The following ANKRD26 variants were observed in gnomAD, a reference collection of about 807,000 sequenced individuals.
ANKRD26 encodes the protein ankyrin repeat domain-containing protein 26.
Under a neutral mutation model 208.7 loss-of-function variants are expected in ANKRD26, and 141 were observed. That is an observed-to-expected ratio of 0.68 (90% CI 0.59 to 0.78). The LOEUF (loss-of-function observed/expected upper bound fraction) is 0.78. Ranked by LOEUF, ANKRD26 falls within the 30% of genes least tolerant of loss-of-function variation. ANKRD26 has a pLI of 0.00. For missense variants in ANKRD26, 1,889 were observed against 1,938.7 expected, an observed-to-expected ratio of 0.97 and a Z score of 0.48; for synonymous variants, 636 against 660.4, an observed-to-expected ratio of 0.96 and a Z score of 0.57.
intron 24 of ANKRD26, among the ~76,000 whole-genome samples, chr10:27,033,931 C>T (rs1303492655): frequency 6.6e-6 from 1 of 152,190 alleles, no homozygotes; most frequent in African/African-American, 2.4e-5. Context: ...TTCTTGCTGC[C>T]TGTGCATCCT....
chr10:26,948,524 C>T, the ANKRD26 span, among the ~76,000 whole-genome samples: 1 of 152,100 alleles, frequency 6.6e-6, no homozygotes, highest in Non-Finnish European at 1.5e-5. Flanking sequence ...GATGCCAATC[C>T]CTCATTTGGT....
chr10:27,071,856 G>A (rs914566855), intron 9 of ANKRD26, among the ~76,000 whole-genome samples: 11 of 152,242 alleles, frequency 7.2e-5, no homozygotes, highest in African/African-American at 2.4e-4. Context: ...AGCAGTGGGG[G>A]CACACAAGAA....
chr10:27,079,278 G>C, intron 6 of ANKRD26, 117 bp from the exon 7 acceptor site: 1 of 777,206 alleles, frequency 1.3e-6, no homozygotes. Context: ...CCTGGTGAAA[G>C]GTCAACTGTC....
intron 5 of ANKRD26, among the ~76,000 whole-genome samples, chr10:26,977,900 G>A (rs1378825007): frequency 6.6e-6 from 1 of 152,038 alleles, no homozygotes; most frequent in East Asian, 1.9e-4. Flanking sequence ...AGATATTATG[G>A]CTACTTGAGA....
chr10:26,980,783 G>A (rs535187366), exon 5 of ANKRD26, among the ~76,000 whole-genome samples: 1 of 152,320 alleles, frequency 6.6e-6, no homozygotes, highest in South Asian at 2.1e-4. Context: ...CATGCAGGCA[G>A]AGGAAACAGA....
In ANKRD26 at chr10:26,976,743, C is replaced by A. The variant is rs2052233609; in HGVS notation, c.*282-701G>T. ...ACAAGCTCACTGCGTGTGCAAAGGA[C>A]TTTCTCGTGGCACAGCAGCCAGGAT... is the stretch of plus-strand genomic sequence containing the variant. On this transcript the variant is annotated intron_variant and NMD_transcript_variant, in intron 5 of 5. Coordinates refer to the ANKRD26 transcript ENST00000674670. 2.0e-5 allele frequency among the ~76,000 whole-genome samples: 3 copies of A among 152,118 alleles called. No individual in the cohort carries two copies. The South Asian group carries it at 6.2e-4, about 32-fold the overall frequency.
intron 16 of ANKRD26, chr10:27,051,801 T>C (rs2054671108): frequency 1.0e-6 from 1 of 985,274 alleles, no homozygotes; most frequent in African/African-American, 1.7e-5. Flanking sequence ...AGGTATTTCC[T>C]TTAAGTTTGT....
chr10:27,080,689 TAA>T (rs915321523), intron 6 of ANKRD26: 1 of 985,462 alleles, frequency 1.0e-6, no homozygotes, highest in Non-Finnish European at 1.2e-6. Context: ...CTCCAACCTT[TAA>T]GTCTTCAGCC....
intron 9 of ANKRD26, among the ~76,000 whole-genome samples, chr10:27,070,784 GCC>G (rs1191827115): frequency 6.7e-6 from 1 of 149,752 alleles, no homozygotes; most frequent in African/African-American, 2.4e-5. Flanking sequence ...TCTTGACTCA[GCC>G]CCCTGAGTAG....
chr10:26,972,984 TACC>T (rs1266679793), downstream of ANKRD26, among the ~76,000 whole-genome samples: 1 of 152,180 alleles, frequency 6.6e-6, no homozygotes, highest in Non-Finnish European at 1.5e-5. Flanking sequence ...TGTTCTTAAC[TACC>T]ACTTGCCATA....
intron 5 of ANKRD26, among the ~76,000 whole-genome samples, chr10:27,084,730 A>G (rs1003062662): frequency 2.6e-5 from 4 of 152,156 alleles, no homozygotes; most frequent in East Asian, 3.9e-4. Flanking sequence ...TTGGCTGGGC[A>G]TGGTGGCGGG....
chr10:27,045,331 T>C (rs1589273731), intron 18 of ANKRD26, among the ~76,000 whole-genome samples: 1 of 150,872 alleles, frequency 6.6e-6, no homozygotes, highest in Non-Finnish European at 1.5e-5. Flanking sequence ...GGCTGAGGCA[T>C]GAGAATTGCT....
chr10:27,026,975 A>G (rs1482204617), intron 27 of ANKRD26, among the ~76,000 whole-genome samples: 1 of 152,094 alleles, frequency 6.6e-6, no homozygotes, highest in Non-Finnish European at 1.5e-5. Context: ...CAGTAGAGAC[A>G]GGGTTTTGCC....
chr10:27,014,388 C>A, intron 31 of ANKRD26, 106 bp downstream of exon 31: 1 of 833,632 alleles, frequency 1.2e-6, no homozygotes, highest in Non-Finnish European at 1.9e-6. Context: ...AATTATATTA[C>A]CTATTTAGCT....
chr10:27,084,688 G>A (rs2056050962), intron 5 of ANKRD26, among the ~76,000 whole-genome samples: 2 of 152,034 alleles, frequency 1.3e-5, no homozygotes, highest in South Asian at 4.1e-4. Flanking sequence ...GGCCAACATG[G>A]TAAAACCCTA....
Position 27,035,417 on chromosome 10 carries a change from A to G in ANKRD26, c.3033T>C (p.Ser1011=). 1 of 1,614,042 alleles carries G rather than the reference A, an allele frequency of 6.2e-7. No individual in the cohort carries two copies. The highest frequency in any genetic ancestry group is 8.5e-7 in the Non-Finnish European group (1 of 1,179,940). Residue 1011 remains serine, a synonymous_variant, in exon 24 of 34, where the codon TCT becomes TCC. Transcript: ENST00000376087. ...RLEAEVESYH[S]RLAAAIHDRD... ...GATCATGTATAGCAGCAGCCAATCT[A>G]GAATGGTATGATTCAACTTCTGCTT...
intron 32 of ANKRD26, among the ~76,000 whole-genome samples, 167 bp downstream of exon 32, chr10:27,012,715 A>C (rs1234155285): frequency 6.6e-6 from 1 of 152,204 alleles, no homozygotes. Context: ...TGAGAGGCTA[A>C]GACACAAGAA....
rs1288657688 is a variant in ANKRD26 at position 27,038,295 on chromosome 10, C to A, written c.2376-241G>T. The stretch of plus-strand genomic sequence containing the variant: ...AACTGGTAAGTTTCTGTTATGAGTA[C>A]CTCTGATAAATATTATGGAAAAAGA... On this transcript the variant is annotated intron_variant, in intron 21 of 33. Coordinates refer to ENST00000376087, the MANE Select transcript of ANKRD26 (RefSeq NM_014915.3). Among the ~76,000 whole-genome samples the A allele has an allele frequency of 2.0e-5, 3 of 151,976 alleles. No individual in the cohort carries two copies. The South Asian group carries it at 6.2e-4, about 32-fold the overall frequency.
chr10:27,011,162 G>A (rs1460070082), intron 32 of ANKRD26, among the ~76,000 whole-genome samples: 1 of 152,110 alleles, frequency 6.6e-6, no homozygotes, highest in East Asian at 1.9e-4. Flanking sequence ...TAAATCTTAA[G>A]CTAACGTGCA....
Sources: gnomAD v4.1 joint callset for allele counts (sites outside exome capture counted in the v4.1 genomes callset) on GRCh38, gnomAD v4.1.1 for gene constraint, MANE v1.5 for transcripts, NCBI Gene and HGNC (gene_info 2026-07-23, HGNC 2026-07-21) for gene names.